The following PTPRM variants were observed in gnomAD, a reference collection of about 807,000 sequenced individuals.
The protein encoded by PTPRM is protein tyrosine phosphatase receptor type M.
A neutral mutation model predicts 186.7 loss-of-function variants in PTPRM; 47 were observed. The observed-to-expected ratio is 0.25, with a 90% CI of 0.20 to 0.32. PTPRM has a LOEUF of 0.32. Among genes scored for constraint, PTPRM ranks in the 10% least tolerant of loss-of-function variants. The pLI is 1.00. For synonymous variants in PTPRM, 668 were observed against 674.9 expected, an observed-to-expected ratio of 0.99 and a Z score of 0.16; for missense variants, 1,494 against 1,865.0, an observed-to-expected ratio of 0.80 and a Z score of 3.66.
At chr18:8,143,543 A>C (rs1168160327) in intron 13 of PTPRM, 104 bp from the exon 14 acceptor site, 1 of 1,219,044 alleles carries the variant, frequency 8.2e-7, no homozygotes, top group Non-Finnish European at 1.2e-6. Context: ...GCTGGCTCTG[A>C]TAAGTCTTAT....
intron 14 of PTPRM, among the ~76,000 whole-genome samples, chr18:8,239,030 A>G (rs28848522): frequency 0.22 from 32,773 of 147,574 alleles, 4,059 homozygotes; most frequent in African/African-American, 0.32. Flanking sequence ...GTTTTAGGGT[A>G]CATGTGCACA....
At chr18:7,659,843 G>A (rs2038938480) in intron 1 of PTPRM, among the ~76,000 whole-genome samples, 1 of 152,164 alleles carries the variant, frequency 6.6e-6, no homozygotes, top group Non-Finnish European at 1.5e-5. Context: ...TTAATCTAGT[G>A]CAGAAGCCTT....
At chr18:8,086,823 A>G (rs1277122642) in intron 10 of PTPRM, among the ~76,000 whole-genome samples, 2 of 152,156 alleles carry the variant, frequency 1.3e-5, no homozygotes, top group Non-Finnish European at 2.9e-5. Flanking sequence ...TTTTTAAGCA[A>G]TTATAACAAG....
intron 19 of PTPRM, among the ~76,000 whole-genome samples, chr18:8,274,641 A>T (rs769092391): frequency 6.6e-6 from 1 of 152,140 alleles, no homozygotes; most frequent in Non-Finnish European, 1.5e-5. Context: ...AAATTATTAG[A>T]CCTATAAACC....
intron 1 of PTPRM, among the ~76,000 whole-genome samples, chr18:7,631,135 A>G (rs1323745250): frequency 6.6e-6 from 1 of 152,224 alleles, no homozygotes; most frequent in Non-Finnish European, 1.5e-5. Flanking sequence ...ACTTTAATTA[A>G]GAAGGTTTTA....
intron 19 of PTPRM, among the ~76,000 whole-genome samples, chr18:8,264,157 G>T (rs1429728405): frequency 6.6e-6 from 1 of 152,160 alleles, no homozygotes; most frequent in Non-Finnish European, 1.5e-5. Flanking sequence ...AATCCTGCAC[G>T]TCTGATGACA....
intron 1 of PTPRM, among the ~76,000 whole-genome samples, chr18:7,678,658 A>G (rs1029719218): frequency 6.6e-6 from 1 of 152,178 alleles, no homozygotes; most frequent in South Asian, 2.1e-4. Context: ...TTTTACAGAA[A>G]TGGTATTATG....
chr18:8,387,930 T>TG (rs2095788343), intron 31 of PTPRM, among the ~76,000 whole-genome samples: 1 of 132,412 alleles, frequency 7.6e-6, no homozygotes, highest in Admixed American at 8.5e-5. Flanking sequence ...GAGAATTATT[T>TG]GGGGAGCTTT....
At chr18:8,003,212 A>C (rs2147787679) in intron 7 of PTPRM, among the ~76,000 whole-genome samples, 1 of 152,256 alleles carries the variant, frequency 6.6e-6, no homozygotes, top group South Asian at 2.1e-4. Flanking sequence ...TTCTTGTGGT[A>C]GTGAATAAGT....
chr18:8,091,106 G>A (rs2090698683), intron 11 of PTPRM, among the ~76,000 whole-genome samples: 1 of 152,032 alleles, frequency 6.6e-6, no homozygotes, highest in South Asian at 2.1e-4. Context: ...GGTAGTTCTT[G>A]GTGTCCTCAG....
chr18:7,680,386 C>T (rs1419271939), intron 1 of PTPRM, among the ~76,000 whole-genome samples: 8 of 152,144 alleles, frequency 5.3e-5, no homozygotes, highest in Admixed American at 5.2e-4. Context: ...CCATATTCAA[C>T]TTGGCAGGTT....
intron 1 of PTPRM, among the ~76,000 whole-genome samples, chr18:7,638,731 A>C (rs538681686): frequency 2.0e-5 from 3 of 152,342 alleles, no homozygotes; most frequent in Admixed American, 2.0e-4. Flanking sequence ...AGATTTATTA[A>C]CAGATAGGCT....
chr18:8,051,883 T>C (rs1341132352), intron 7 of PTPRM, among the ~76,000 whole-genome samples: 3 of 152,238 alleles, frequency 2.0e-5, no homozygotes, highest in Admixed American at 6.5e-5. Context: ...GAAATGTATT[T>C]TCGTTGTTAC....
chr18:7,661,009 A>G (rs1461951821), intron 1 of PTPRM, among the ~76,000 whole-genome samples: 1 of 152,120 alleles, frequency 6.6e-6, no homozygotes, highest in Non-Finnish European at 1.5e-5. Context: ...AAGAAAGAAC[A>G]TAGCATTTTC....
rs753033944 is a variant in PTPRM at position 7,770,001 on chromosome 18, C to T, written c.74-4148C>T. On this transcript the variant is annotated intron_variant, in intron 1 of 32. Transcript: ENST00000580170. ...GACTTGGGTTTAGTCGTGATTTAGTCGTGATTCCCCCCTGTGAAACATGAA... is the reference window on the plus strand; with the variant it reads ...GACTTGGGTTTAGTCGTGATTTAGTTGTGATTCCCCCCTGTGAAACATGAA... Among the ~76,000 whole-genome samples the T allele has an allele frequency of 3.8e-4, 58 of 152,174 alleles. No homozygotes were observed. In the East Asian group the frequency reaches 6.2e-3, roughly 16 times the overall value.
intron 1 of PTPRM, among the ~76,000 whole-genome samples, chr18:7,613,950 C>G (rs1009152695): frequency 6.6e-6 from 1 of 152,132 alleles, no homozygotes; most frequent in Admixed American, 6.5e-5. Flanking sequence ...TATAGTCTTA[C>G]TGGGCTGCTA....
At chr18:7,685,709 G>A (rs2039586104) in intron 1 of PTPRM, among the ~76,000 whole-genome samples, 1 of 152,122 alleles carries the variant, frequency 6.6e-6, no homozygotes, top group Non-Finnish European at 1.5e-5. Flanking sequence ...GTTTTCCTAA[G>A]GCTATTGGTT....
At chr18:7,975,784 C>T (rs1337186935) in intron 7 of PTPRM, among the ~76,000 whole-genome samples, 1 of 152,274 alleles carries the variant, frequency 6.6e-6, no homozygotes. Flanking sequence ...ATATACTCTC[C>T]GTGTATAGTA....
At chr18:8,087,990 G>A (rs139546725) in intron 10 of PTPRM, among the ~76,000 whole-genome samples, 3 of 152,072 alleles carry the variant, frequency 2.0e-5, no homozygotes, top group Non-Finnish European at 2.9e-5. Context: ...CTGGAAACTG[G>A]CCTTAGAAAT....
Sources: allele counts gnomAD v4.1 joint callset (sites outside exome capture counted in the v4.1 genomes callset), GRCh38; gene constraint gnomAD v4.1.1; transcripts MANE v1.5; gene names NCBI Gene and HGNC (gene_info 2026-07-23, HGNC 2026-07-21).